The following HIPK2 variants were observed in gnomAD, a reference collection of about 807,000 sequenced individuals.
HIPK2 encodes the protein homeodomain interacting protein kinase 2, also known as homeodomain-interacting protein kinase 2.
Under a neutral mutation model 113.7 loss-of-function variants are expected in HIPK2, and 27 were observed. The ratio of observed to expected loss-of-function variants is 0.24; its 90% CI spans 0.17 to 0.33. The LOEUF (loss-of-function observed/expected upper bound fraction) is 0.33. Ranked by LOEUF, HIPK2 falls within the 10% of genes least tolerant of loss-of-function variation. The probability of loss-of-function intolerance (pLI) is 1.00; values close to 1 mark genes in which losing one functional copy is unlikely to be tolerated. For missense variants in HIPK2, 1,257 were observed against 1,588.0 expected (o/e 0.79, Z 3.54); for synonymous variants, 631 against 642.2 (o/e 0.98, Z 0.26).
intron 2 of HIPK2, among the ~76,000 whole-genome samples, chr7:139,690,751 G>A (rs1231092962): frequency 3.3e-5 from 5 of 152,098 alleles, no homozygotes; most frequent in Admixed American, 1.3e-4. Flanking sequence ...CATGTAATCC[G>A]CACACGCCAG....
At chr7:139,674,767 T>G (rs1341179419) in intron 2 of HIPK2, among the ~76,000 whole-genome samples, 4 of 152,252 alleles carry the variant, frequency 2.6e-5, no homozygotes, top group Non-Finnish European at 5.9e-5. Flanking sequence ...AGGTCATTAA[T>G]GAATATTACT....
At chr7:139,733,617 A>C (rs1185915725) in intron 1 of HIPK2, among the ~76,000 whole-genome samples, 1 of 152,246 alleles carries the variant, frequency 6.6e-6, no homozygotes, top group Non-Finnish European at 1.5e-5. Flanking sequence ...GTTAACCAAA[A>C]ACACAAATAT....
chr7:139,603,200 T>C (rs1585263052), intron 10 of HIPK2, among the ~76,000 whole-genome samples: 2 of 152,116 alleles, frequency 1.3e-5, no homozygotes, highest in African/African-American at 4.8e-5. Context: ...CTGTGGGAGG[T>C]TCCCTGTGTG....
At chr7:139,706,391 A>G (rs184936591) in intron 2 of HIPK2, among the ~76,000 whole-genome samples, 32 of 152,298 alleles carry the variant, frequency 2.1e-4, no homozygotes, top group African/African-American at 7.7e-4. Context: ...AAAGATGACA[A>G]GAAACTGGGC....
At chr7:139,738,322 C>T (rs777439799) in intron 1 of HIPK2, among the ~76,000 whole-genome samples, 14 of 152,232 alleles carry the variant, frequency 9.2e-5, no homozygotes, top group Admixed American at 6.5e-4. Context: ...TCGGGGGTAA[C>T]GCGGAGCTGT....
chr7:139,599,094 T>C (rs540089744), intron 11 of HIPK2, among the ~76,000 whole-genome samples: 15 of 152,326 alleles, frequency 9.8e-5, no homozygotes, highest in South Asian at 4.1e-4. Flanking sequence ...CCAAAATCAC[T>C]AGACATTTTG....
intron 5 of HIPK2, 95 bp from the exon 6 acceptor site, chr7:139,626,880 T>C (rs1040235114): frequency 7.3e-7 from 1 of 1,371,440 alleles, no homozygotes; most frequent in Non-Finnish European, 1.0e-6. Context: ...TTCCTCCTGA[T>C]CTCTCAAGCC....
chr7:139,748,656 C>T (rs6967634), intron 1 of HIPK2, among the ~76,000 whole-genome samples: 16,530 of 150,978 alleles, frequency 0.11, 1,092 homozygotes, highest in Non-Finnish European at 0.15. Flanking sequence ...TCATACTAGA[C>T]TAGGGGCCCA....
chr7:139,608,652 A>G (rs1333886761), intron 9 of HIPK2, among the ~76,000 whole-genome samples: 3 of 152,134 alleles, frequency 2.0e-5, no homozygotes, highest in Non-Finnish European at 4.4e-5. Context: ...TGTGTTGATA[A>G]TACACAAAAA....
chr7:139,643,903 A>C (rs1585318012), intron 2 of HIPK2, among the ~76,000 whole-genome samples: 1 of 152,144 alleles, frequency 6.6e-6, no homozygotes, highest in East Asian at 1.9e-4. Flanking sequence ...TGGGTGGCCC[A>C]ATATCCCCCA....
At chr7:139,575,070 CG>C in intron 14 of HIPK2, 57 bp downstream of exon 14, 1 of 1,522,178 alleles carries the variant, frequency 6.6e-7, no homozygotes, top group Non-Finnish European at 8.8e-7. Flanking sequence ...CTCTCTGAAG[CG>C]GAAGGATGAG....
intron 1 of HIPK2, among the ~76,000 whole-genome samples, chr7:139,748,829 A>G (rs978340999): frequency 6.6e-6 from 1 of 152,116 alleles, no homozygotes; most frequent in Non-Finnish European, 1.5e-5. Flanking sequence ...TCAAAGAAAA[A>G]GCACTCCTCC....
At chr7:139,754,612 T>C (rs1424222270) in intron 1 of HIPK2, among the ~76,000 whole-genome samples, 2 of 152,218 alleles carry the variant, frequency 1.3e-5, no homozygotes, top group African/African-American at 2.4e-5. Flanking sequence ...ACAAAAGTCA[T>C]TAAAATTTTC....
chr7:139,753,623 C>T (rs1027951944), intron 1 of HIPK2, among the ~76,000 whole-genome samples: 1 of 152,202 alleles, frequency 6.6e-6, no homozygotes, highest in Admixed American at 6.5e-5. Context: ...ACCAGCTTGC[C>T]TGTTATTGAG....
chr7:139,602,847 G>A (rs1398740208), intron 10 of HIPK2, among the ~76,000 whole-genome samples: 2 of 152,234 alleles, frequency 1.3e-5, no homozygotes, highest in African/African-American at 2.4e-5. Context: ...CAACAATCCT[G>A]TGAAGCAGGC....
chr7:139,576,229 A>C (rs1341870498), intron 13 of HIPK2, among the ~76,000 whole-genome samples: 2 of 152,260 alleles, frequency 1.3e-5, no homozygotes, highest in African/African-American at 2.4e-5. Context: ...GGCCAAGCAC[A>C]AAACTGCCTC....
chr7:139,737,678 G>C (rs1014289091), intron 1 of HIPK2, among the ~76,000 whole-genome samples: 19 of 152,206 alleles, frequency 1.2e-4, no homozygotes, highest in African/African-American at 4.6e-4. Flanking sequence ...TGGGCCGCAT[G>C]AAGTGATTCA....
intron 10 of HIPK2, 110 bp from the exon 11 acceptor site, chr7:139,600,706 C>T: frequency 8.0e-7 from 1 of 1,257,778 alleles, no homozygotes; most frequent in Non-Finnish European, 1.1e-6. Context: ...TTGGTTATCT[C>T]ACTAGCTGTG....
In HIPK2 at chr7:139,613,364, C is replaced by T. The variant is rs58526304; in HGVS notation, c.1991-41G>A. On this transcript the variant is annotated intron_variant, in intron 8 of 14. Transcript: ENST00000406875. The surrounding 1 kb of genome is among the most constrained non-coding windows in gnomAD (Gnocchi z 4.2). ...TGAGGGAGAGAAGGGTTAGCTGAGA[C>T]GCTGTGAACAGCTGGATGAAAAGAA... The T allele has an allele frequency of 6.3e-4, 1,016 of 1,606,960 alleles. 5 individuals carry two copies. The African/African-American group carries it at 0.012, about 18-fold the overall frequency.
Sources: allele counts gnomAD v4.1 joint callset (sites outside exome capture counted in the v4.1 genomes callset), GRCh38; gene constraint gnomAD v4.1.1; non-coding constraint Gnocchi (gnomAD v3.1); transcripts MANE v1.5; gene names NCBI Gene and HGNC (gene_info 2026-07-23, HGNC 2026-07-21).